PLCB1: variants seen among roughly 807,000 people sequenced by gnomAD.
PLCB1 encodes 1-phosphatidylinositol 4,5-bisphosphate phosphodiesterase beta-1.
In PLCB1, 46 loss-of-function variants were observed where a neutral mutation model predicts 161.8. The observed-to-expected ratio is 0.28, with a 90% CI of 0.22 to 0.36. PLCB1 has a LOEUF of 0.36. Ranked by LOEUF, PLCB1 falls within the 10% of genes least tolerant of loss-of-function variation. The pLI, the probability that PLCB1 is intolerant of heterozygous loss-of-function variation, is 1.00. For synonymous variants in PLCB1, 517 were observed against 503.7 expected (o/e 1.03, Z -0.35); for missense variants, 1,016 against 1,472.5 (o/e 0.69, Z 5.07).
intron 31 of PLCB1, among the ~76,000 whole-genome samples, chr20:8,846,334 G>A (rs1201814065): frequency 6.6e-6 from 1 of 150,808 alleles, no homozygotes; most frequent in Non-Finnish European, 1.5e-5. Flanking sequence ...CAACACTGGG[G>A]ATTACAATTC....
chr20:8,182,701 C>T (rs529994189), intron 2 of PLCB1, among the ~76,000 whole-genome samples: 1 of 151,974 alleles, frequency 6.6e-6, no homozygotes, highest in African/African-American at 2.4e-5. Flanking sequence ...GTGCCTCAGC[C>T]TCCTGTGTAG....
intron 12 of PLCB1, among the ~76,000 whole-genome samples, chr20:8,712,022 A>G (rs1439237311): frequency 6.6e-6 from 1 of 152,112 alleles, no homozygotes; most frequent in African/African-American, 2.4e-5. Flanking sequence ...GGAGAAAAGG[A>G]CAGGGCACGG....
intron 2 of PLCB1, among the ~76,000 whole-genome samples, chr20:8,163,182 T>G (rs2051642703): frequency 6.6e-6 from 1 of 152,054 alleles, no homozygotes; most frequent in African/African-American, 2.4e-5. Flanking sequence ...CATTAAAGGG[T>G]GCACTATCAA....
At chr20:8,832,724 G>A (rs767805888) in intron 31 of PLCB1, among the ~76,000 whole-genome samples, 3 of 152,110 alleles carry the variant, frequency 2.0e-5, no homozygotes, top group Non-Finnish European at 4.4e-5. Context: ...TAAAGAAAAC[G>A]CTTGGTCTTG....
chr20:8,197,808 C>G lies in PLCB1; in HGVS notation c.177+47437C>G, dbSNP rs528205777. ...ATGGTTTTAGGTCTAACATTTAAAT[C>G]TTTAATCCATCTTGAATTAATTTTT... On this transcript the variant is annotated intron_variant, in intron 2 of 31. Transcript: ENST00000338037. Among the ~76,000 whole-genome samples, 5 of 152,270 alleles carry G rather than the reference C, an allele frequency of 3.3e-5. No individual in the cohort carries two copies. In the East Asian group the frequency reaches 9.6e-4, roughly 29 times the overall value.
chr20:8,647,743 A>G (rs551277208), intron 5 of PLCB1, among the ~76,000 whole-genome samples, 157 bp from the exon 6 acceptor site: 9 of 152,222 alleles, frequency 5.9e-5, no homozygotes, highest in African/African-American at 2.2e-4. Context: ...ACAATGTTCT[A>G]TTTCTTAATC....
At chr20:8,159,128 C>T (rs551999771) in intron 2 of PLCB1, among the ~76,000 whole-genome samples, 4 of 152,316 alleles carry the variant, frequency 2.6e-5, no homozygotes, top group Non-Finnish European at 5.9e-5. Context: ...TCCATGAGAG[C>T]ACCACCCCAG....
intron 3 of PLCB1, among the ~76,000 whole-genome samples, chr20:8,554,617 T>C (rs1433889310): frequency 2.0e-5 from 3 of 152,110 alleles, no homozygotes; most frequent in Admixed American, 1.3e-4. Context: ...AGAGGACTGA[T>C]TGGAAAGGAG....
chr20:8,361,184 T>G (rs1201709718), intron 2 of PLCB1, among the ~76,000 whole-genome samples: 1 of 152,214 alleles, frequency 6.6e-6, no homozygotes, highest in Non-Finnish European at 1.5e-5. Context: ...TAGGGCCCAA[T>G]GTGGAAATTG....
chr20:8,414,637 T>C (rs1280369840), intron 3 of PLCB1, among the ~76,000 whole-genome samples: 1 of 152,204 alleles, frequency 6.6e-6, no homozygotes, highest in African/African-American at 2.4e-5. Context: ...TTCTCTGATG[T>C]TTAATCTAAT....
chr20:8,416,095 T>C (rs548786150), intron 3 of PLCB1, among the ~76,000 whole-genome samples: 1 of 152,242 alleles, frequency 6.6e-6, no homozygotes, highest in Admixed American at 6.5e-5. Flanking sequence ...GGTTAAGGAA[T>C]CTCCAAAACA....
chr20:8,743,239 G>GT (rs924652106), intron 23 of PLCB1, among the ~76,000 whole-genome samples: 36 of 152,150 alleles, frequency 2.4e-4, no homozygotes, highest in Non-Finnish European at 5.1e-4. Flanking sequence ...CCCAGGTGGG[G>GT]TTTTTTTGAG....
rs759914170 is a variant in PLCB1, at chr20:8,727,394, G to A, written c.1763+1G>A. The A allele has an allele frequency of 6.6e-7, 1 of 1,518,572 alleles. No homozygotes were observed. The highest frequency in any genetic ancestry group is 1.4e-5 in the African/African-American group (1 of 72,946). The allele number at this position is 1,518,572 out of a possible 1,614,324, so 94.1% of individuals were successfully genotyped here. A position where few individuals can be genotyped will look rare whatever the true frequency, so the allele number is the denominator to read the frequency against. ...CCAAGTCTCCAGTGGAATTTGTAGA[G>A]TATCCTTGATTTGACGAATGACTGC... is the stretch of plus-strand genomic sequence containing the variant. On this transcript the variant is annotated splice_donor_variant, in intron 17 of 31. Coordinates refer to ENST00000338037, the MANE Select transcript of PLCB1 (RefSeq NM_015192.4). LOFTEE classifies it high-confidence loss of function.
chr20:8,514,777 A>C (rs1984044222), intron 3 of PLCB1, among the ~76,000 whole-genome samples: 1 of 152,274 alleles, frequency 6.6e-6, no homozygotes, highest in Non-Finnish European at 1.5e-5. Flanking sequence ...GTATGGGTGA[A>C]TATTCTTATA....
intron 31 of PLCB1, among the ~76,000 whole-genome samples, chr20:8,829,284 GT>G (rs927068494): frequency 6.6e-6 from 1 of 152,152 alleles, no homozygotes; most frequent in Admixed American, 6.6e-5. Flanking sequence ...TGCTGTCCAG[GT>G]TTTCTCAGGC....
intron 23 of PLCB1, among the ~76,000 whole-genome samples, chr20:8,748,758 T>C (rs1254996255): frequency 6.6e-6 from 1 of 152,190 alleles, no homozygotes; most frequent in Non-Finnish European, 1.5e-5. Context: ...GCGTGAGGAC[T>C]ATAATTAACA....
chr20:8,800,749 T>C (rs1452111360), intron 31 of PLCB1, among the ~76,000 whole-genome samples: 1 of 151,156 alleles, frequency 6.6e-6, no homozygotes, highest in African/African-American at 2.4e-5. Flanking sequence ...TTTTGCAAAA[T>C]ACACAGTGAG....
chr20:8,666,679 C>T (rs564718857), intron 9 of PLCB1, among the ~76,000 whole-genome samples: 1 of 152,322 alleles, frequency 6.6e-6, no homozygotes, highest in Admixed American at 6.5e-5. Context: ...TCCAACAGGA[C>T]TTGCTTAGAA....
At chr20:8,738,465 GC>G (rs1462509967) in intron 20 of PLCB1, among the ~76,000 whole-genome samples, 1 of 152,046 alleles carries the variant, frequency 6.6e-6, no homozygotes, top group Non-Finnish European at 1.5e-5. Context: ...CTTAGTGGGT[GC>G]AGCGTACCAG....
Sources: allele counts gnomAD v4.1 joint callset (sites outside exome capture counted in the v4.1 genomes callset), GRCh38; gene constraint gnomAD v4.1.1; transcripts MANE v1.5; gene names NCBI Gene and HGNC (gene_info 2026-07-23, HGNC 2026-07-21).